KCNH7: variants seen among roughly 807,000 people sequenced by gnomAD.
KCNH7 encodes voltage-gated inwardly rectifying potassium channel KCNH7.
A neutral mutation model predicts 120.8 loss-of-function variants in KCNH7; 49 were observed. That is an observed-to-expected ratio of 0.41 (90% CI 0.32 to 0.51). The LOEUF (loss-of-function observed/expected upper bound fraction) is 0.51, where lower values mean the gene tolerates loss of function less well. Ranked by LOEUF, KCNH7 falls within the 20% of genes least tolerant of loss-of-function variation. KCNH7 has a pLI of 0.38. For missense variants in KCNH7, 1,097 were observed against 1,446.6 expected (o/e 0.76, Z 3.92); for synonymous variants, 547 against 516.1 (o/e 1.06, Z -0.81).
At chr2:162,580,697 A>C (rs1019229597) in intron 2 of KCNH7, among the ~76,000 whole-genome samples, 1 of 152,074 alleles carries the variant, frequency 6.6e-6, no homozygotes, top group Admixed American at 6.6e-5. Flanking sequence ...ACTGGAGAGA[A>C]GAACAGATCA....
At position 162,555,583 on chromosome 2, in the gene KCNH7, T is replaced by TA. The variant is rs569488725; in HGVS notation, c.308-18504dup. ...TTTTTAATTAGAATTTTACCTGTCA[T>TA]AAAAAATAAAAGTTCTGTTTGTGAC... On this transcript the variant is annotated intron_variant, in intron 2 of 15. Transcript: ENST00000332142. Among the ~76,000 whole-genome samples, 738 of 152,294 alleles carry TA rather than the reference T, an allele frequency of 4.8e-3. 9 individuals carry two copies. Among genetic ancestry groups the TA allele is most frequent in the African/African-American group, 0.017 (704 of 41,566 alleles).
intron 2 of KCNH7, among the ~76,000 whole-genome samples, chr2:162,758,354 T>C (rs1406134428): frequency 6.6e-6 from 1 of 152,180 alleles, no homozygotes; most frequent in Non-Finnish European, 1.5e-5. Flanking sequence ...TGAGACACCA[T>C]TTATTTTTTG....
intron 2 of KCNH7, among the ~76,000 whole-genome samples, chr2:162,546,219 G>A (rs765415181): frequency 2.0e-5 from 3 of 152,096 alleles, no homozygotes; most frequent in Non-Finnish European, 4.4e-5. Flanking sequence ...AATAAGCTGA[G>A]GCCGATTTGC....
chr2:162,592,205 C>G (rs1284227786), intron 2 of KCNH7, among the ~76,000 whole-genome samples: 1 of 152,072 alleles, frequency 6.6e-6, no homozygotes, highest in Non-Finnish European at 1.5e-5. Flanking sequence ...GTTTCCTGAT[C>G]TATTCCTAGT....
intron 2 of KCNH7, among the ~76,000 whole-genome samples, chr2:162,701,116 A>G (rs536222876): frequency 4.6e-5 from 7 of 152,308 alleles, no homozygotes; most frequent in African/African-American, 1.7e-4. Flanking sequence ...ATTGTTACTA[A>G]GGACACTGTC....
chr2:162,683,457 G>A (rs1427715290), intron 2 of KCNH7, among the ~76,000 whole-genome samples: 1 of 151,858 alleles, frequency 6.6e-6, no homozygotes, highest in African/African-American at 2.4e-5. Context: ...CTTTTGAAAT[G>A]AAGGCATTGA....
intron 2 of KCNH7, among the ~76,000 whole-genome samples, chr2:162,608,138 C>T (rs1290736037): frequency 6.6e-6 from 1 of 152,062 alleles, no homozygotes; most frequent in East Asian, 1.9e-4. Flanking sequence ...GAGTCATGTT[C>T]TAAATATAAA....
intron 2 of KCNH7, among the ~76,000 whole-genome samples, chr2:162,662,297 T>C (rs1016566262): frequency 3.3e-4 from 50 of 151,498 alleles, no homozygotes; most frequent in African/African-American, 1.1e-3. Context: ...AAAAGAAAAT[T>C]AGATTGCATT....
At chr2:162,728,660 C>G (rs1257894516) in intron 2 of KCNH7, among the ~76,000 whole-genome samples, 1 of 152,076 alleles carries the variant, frequency 6.6e-6, no homozygotes, top group Admixed American at 6.5e-5. Context: ...CGCCTGTAAT[C>G]CTAGCTACTT....
At chr2:162,587,670 T>C (rs930651907) in intron 2 of KCNH7, among the ~76,000 whole-genome samples, 5 of 152,082 alleles carry the variant, frequency 3.3e-5, no homozygotes, top group African/African-American at 1.2e-4. Flanking sequence ...TTCCCATTTT[T>C]TTCGAGAAAA....
intron 9 of KCNH7, among the ~76,000 whole-genome samples, chr2:162,405,576 C>A: frequency 6.6e-6 from 1 of 151,878 alleles, no homozygotes; most frequent in East Asian, 1.9e-4. Flanking sequence ...TAATGGCATA[C>A]AATTATAATA....
chr2:162,536,288 T>G lies in KCNH7; in HGVS notation c.463+637A>C, dbSNP rs193049912. ...ATAGAGAAAAAACAACCAATATGTA[T>G]AAAAGAAATGGATAGTTGATAAAGA... is the stretch of plus-strand genomic sequence containing the variant. On this transcript the variant is annotated intron_variant, in intron 3 of 15. Coordinates refer to ENST00000332142, the MANE Select transcript of KCNH7 (RefSeq NM_033272.4). Among the ~76,000 whole-genome samples, 500 of 152,006 alleles carry G rather than the reference T, an allele frequency of 3.3e-3. 6 individuals are homozygous for G. The highest frequency in any genetic ancestry group is 0.012 in the African/African-American group (482 of 41,526).
chr2:162,778,986 T>C (rs965099776), intron 2 of KCNH7, among the ~76,000 whole-genome samples: 1 of 149,848 alleles, frequency 6.7e-6, no homozygotes, highest in Non-Finnish European at 1.5e-5. Context: ...TTCATCTGCC[T>C]AGGTCATTCA....
chr2:162,386,379 A>G (rs1024490597), intron 12 of KCNH7, among the ~76,000 whole-genome samples: 1 of 151,918 alleles, frequency 6.6e-6, no homozygotes, highest in African/African-American at 2.4e-5. Context: ...AATTTGATCA[A>G]CATTCTCTAC....
chr2:162,835,801 G>C (rs1364107875), intron 2 of KCNH7, among the ~76,000 whole-genome samples: 1 of 151,992 alleles, frequency 6.6e-6, no homozygotes, highest in Non-Finnish European at 1.5e-5. Context: ...AACTCTTACG[G>C]CTCTCATAGC....
intron 2 of KCNH7, among the ~76,000 whole-genome samples, chr2:162,565,327 G>A (rs1312154143): frequency 6.6e-6 from 1 of 151,740 alleles, no homozygotes; most frequent in East Asian, 1.9e-4. Flanking sequence ...GAAAAAAAAC[G>A]TAACTAGTCC....
At position 162,604,784 on chromosome 2, in the gene KCNH7, T is replaced by G. The variant is rs557281411; in HGVS notation, c.308-67704A>C. Among the ~76,000 whole-genome samples the G allele has an allele frequency of 2.1e-3, 318 of 152,170 alleles. 2 individuals are homozygous for G. The highest frequency in any genetic ancestry group is 3.6e-3 in the Non-Finnish European group (243 of 67,944). On this transcript the variant is annotated intron_variant, in intron 2 of 15. Coordinates refer to ENST00000332142, the MANE Select transcript of KCNH7 (RefSeq NM_033272.4). ...TTCATATCCATCCCCTGCTCCCTTT[T>G]TTCATACTAAGGCCTTAGCTGACAT...
chr2:162,774,489 AT>A, intron 2 of KCNH7, among the ~76,000 whole-genome samples: 1 of 152,240 alleles, frequency 6.6e-6, no homozygotes, highest in East Asian at 1.9e-4. Context: ...TACAACTCTT[AT>A]CCTGTGTGGA....
At chr2:162,423,866 T>C (rs1284368237) in intron 8 of KCNH7, among the ~76,000 whole-genome samples, 1 of 152,150 alleles carries the variant, frequency 6.6e-6, no homozygotes, top group Non-Finnish European at 1.5e-5. Flanking sequence ...AGGCATCTCA[T>C]GGCTCACCAT....
Sources: allele counts gnomAD v4.1 joint callset (sites outside exome capture counted in the v4.1 genomes callset), GRCh38; gene constraint gnomAD v4.1.1; transcripts MANE v1.5; gene names NCBI Gene and HGNC (gene_info 2026-07-23, HGNC 2026-07-21).